ERC2: variants seen among roughly 807,000 people sequenced by gnomAD.
ERC2 encodes ELKS/RAB6-interacting/CAST family member 2, also known as ERC protein 2.
Under a neutral mutation model 114.8 loss-of-function variants are expected in ERC2, and 42 were observed. The ratio of observed to expected loss-of-function variants is 0.37; its 90% CI spans 0.29 to 0.47. The LOEUF is 0.47. Ranked by LOEUF, ERC2 falls within the 20% of genes least tolerant of loss-of-function variation. The pLI, the probability that ERC2 is intolerant of heterozygous loss-of-function variation, is 0.99. For synonymous variants in ERC2, 454 were observed against 425.5 expected (o/e 1.07, Z -0.82); for missense variants, 939 against 1,150.7 (o/e 0.82, Z 2.66).
chr3:55,933,025 A>C (rs1020055002), intron 13 of ERC2, among the ~76,000 whole-genome samples: 1 of 152,202 alleles, frequency 6.6e-6, no homozygotes, highest in Non-Finnish European at 1.5e-5. Flanking sequence ...CCTAGCCAAC[A>C]AGGTGAAACC....
rs572142484 is a variant in ERC2, at chr3:55,958,329, G to T, written c.2268-7769C>A. 2.6e-5 allele frequency among the ~76,000 whole-genome samples: 4 copies of T among 152,286 alleles called. No individual in the cohort carries two copies. In the East Asian group the frequency reaches 7.7e-4, roughly 29 times the overall value. On this transcript the variant is annotated intron_variant, in intron 12 of 17. Coordinates refer to ENST00000288221, the MANE Select transcript of ERC2 (RefSeq NM_015576.3). ...ATCTGTGTGAATCTGGATGAGTCCA[G>T]GGTTTTCATGGGCTCAGAAGGGAGA...
rs577222365 is a variant in ERC2 at position 56,257,590 on chromosome 3, G to T, written c.1074+38429C>A. Among the ~76,000 whole-genome samples, 93 of 152,272 alleles carry T rather than the reference G, an allele frequency of 6.1e-4. 1 individual carries two copies. The highest frequency in any genetic ancestry group is 2.1e-3 in the African/African-American group (87 of 41,560). ...CATTTTCCATGGCATCACGTTCAAG[G>T]CCAAATTAATGTGTTGATGCTTTCA... On this transcript the variant is annotated intron_variant, in intron 3 of 17. Coordinates refer to ENST00000288221, the MANE Select transcript of ERC2 (RefSeq NM_015576.3).
At chr3:55,906,461 CA>C (rs999560529) in intron 13 of ERC2, among the ~76,000 whole-genome samples, 1 of 149,110 alleles carries the variant, frequency 6.7e-6, no homozygotes, top group Non-Finnish European at 1.5e-5. Flanking sequence ...AAAGTAGTGG[CA>C]GGGGGTTCCC....
intron 3 of ERC2, among the ~76,000 whole-genome samples, chr3:56,294,357 G>C (rs988263039): frequency 1.1e-4 from 16 of 152,226 alleles, no homozygotes; most frequent in African/African-American, 3.6e-4. Context: ...GTCTCTCACA[G>C]CCTGCAATCA....
At chr3:56,308,732 C>T (rs562596858) in intron 2 of ERC2, among the ~76,000 whole-genome samples, 153 of 151,984 alleles carry the variant, frequency 1.0e-3, no homozygotes, top group African/African-American at 3.5e-3. Flanking sequence ...GGTTTCATTG[C>T]TATGAAAACC....
intron 2 of ERC2, among the ~76,000 whole-genome samples, chr3:56,372,821 C>CT (rs1274697081): frequency 6.6e-6 from 1 of 152,186 alleles, no homozygotes; most frequent in African/African-American, 2.4e-5. Flanking sequence ...ACTTCATACT[C>CT]TGAGCTATAA....
Position 55,851,631 on chromosome 3 carries a change from A to G in ERC2, c.2564+36758T>C, listed in dbSNP as rs548632337. 2.0e-5 allele frequency among the ~76,000 whole-genome samples: 3 copies of G among 152,220 alleles called. No homozygotes were observed. In the South Asian group the frequency reaches 6.2e-4, roughly 32 times the overall value. ...TACTTGTTCCTCACCTCTCTCATCTAGAGTTTTAAAAAATAGTTTTTATTA... is the reference window on the plus strand; with the variant it reads ...TACTTGTTCCTCACCTCTCTCATCTGGAGTTTTAAAAAATAGTTTTTATTA... On this transcript the variant is annotated intron_variant, in intron 14 of 17. Transcript: ENST00000288221.
chr3:56,387,429 A>C (rs1354091863), intron 2 of ERC2, among the ~76,000 whole-genome samples: 1 of 152,166 alleles, frequency 6.6e-6, no homozygotes, highest in African/African-American at 2.4e-5. Context: ...TAAAATGAAC[A>C]CACTAATAAA....
At chr3:55,874,713 A>G (rs1000065850) in intron 14 of ERC2, among the ~76,000 whole-genome samples, 1 of 152,132 alleles carries the variant, frequency 6.6e-6, no homozygotes, top group Admixed American at 6.5e-5. Context: ...TCCATGGAGA[A>G]GCTACAGAAG....
intron 7 of ERC2, among the ~76,000 whole-genome samples, chr3:56,064,754 C>A (rs2076395250): frequency 7.6e-6 from 1 of 130,722 alleles, no homozygotes; most frequent in African/African-American, 2.9e-5. Flanking sequence ...ATAGAGTTGC[C>A]TAGAGGCTGT....
intron 13 of ERC2, among the ~76,000 whole-genome samples, chr3:55,898,274 G>C (rs1300437369): frequency 6.6e-6 from 1 of 152,138 alleles, no homozygotes; most frequent in Non-Finnish European, 1.5e-5. Context: ...GTGTGCTTCT[G>C]GGTATGTGGT....
chr3:55,813,824 C>T (rs894867731), intron 14 of ERC2, among the ~76,000 whole-genome samples: 5 of 152,172 alleles, frequency 3.3e-5, no homozygotes, highest in African/African-American at 9.7e-5. Flanking sequence ...AAAATTATTT[C>T]TCCTATTAAA....
intron 2 of ERC2, among the ~76,000 whole-genome samples, chr3:56,407,644 G>A (rs1044771086): frequency 3.9e-5 from 6 of 152,144 alleles, no homozygotes; most frequent in Admixed American, 3.9e-4. Flanking sequence ...GGAGGGGTGA[G>A]AGTCTGCATT....
chr3:56,263,731 T>C (rs1317944204), intron 3 of ERC2, among the ~76,000 whole-genome samples: 1 of 152,034 alleles, frequency 6.6e-6, no homozygotes, highest in Non-Finnish European at 1.5e-5. Context: ...CTACCAAACA[T>C]TAAAAAAAGA....
chr3:55,733,524 T>G (rs1463991213), intron 15 of ERC2, among the ~76,000 whole-genome samples: 3 of 66,786 alleles, frequency 4.5e-5, no homozygotes, highest in African/African-American at 1.4e-4. Context: ...TCTCTGTCTC[T>G]CATTCTTTCT....
intron 3 of ERC2, among the ~76,000 whole-genome samples, chr3:56,213,359 G>A (rs2049207899): frequency 1.3e-5 from 2 of 152,196 alleles, no homozygotes; most frequent in Admixed American, 1.3e-4. Flanking sequence ...CGGCACACCA[G>A]GAGATTATAT....
chr3:55,743,758 C>T (rs987661672), intron 14 of ERC2, among the ~76,000 whole-genome samples: 19 of 152,062 alleles, frequency 1.2e-4, no homozygotes, highest in African/African-American at 3.9e-4. Context: ...GCTTTGGAAG[C>T]AAATGTACCT....
At chr3:56,056,335 A>G (rs780333634) in intron 7 of ERC2, among the ~76,000 whole-genome samples, 1 of 152,202 alleles carries the variant, frequency 6.6e-6, no homozygotes, top group Non-Finnish European at 1.5e-5. Flanking sequence ...CCTCAATGTC[A>G]TGAGGGTGTT....
At chr3:55,746,060 T>G (rs2066280084) in intron 14 of ERC2, among the ~76,000 whole-genome samples, 1 of 152,206 alleles carries the variant, frequency 6.6e-6, no homozygotes, top group African/African-American at 2.4e-5. Flanking sequence ...TTGTGTTAAA[T>G]CAAACCTTCC....
Sources: gnomAD v4.1 joint callset for allele counts (sites outside exome capture counted in the v4.1 genomes callset) on GRCh38, gnomAD v4.1.1 for gene constraint, MANE v1.5 for transcripts, NCBI Gene and HGNC (gene_info 2026-07-23, HGNC 2026-07-21) for gene names.